Variants in MACROD2 observed in about 807,000 individuals in gnomAD.
The protein encoded by MACROD2 is ADP-ribose glycohydrolase MACROD2.
MACROD2 carries 36 observed loss-of-function variants against 70.4 expected under a neutral mutation model. That is an observed-to-expected ratio of 0.51 (90% CI 0.39 to 0.68). MACROD2 has a LOEUF of 0.68. Among genes scored for constraint, MACROD2 ranks in the 30% least tolerant of loss-of-function variants. The pLI is 0.00. For missense variants in MACROD2, 496 were observed against 538.4 expected (o/e 0.92, Z 0.78); for synonymous variants, 172 against 178.8 (o/e 0.96, Z 0.30).
At chr20:14,348,156 C>T (rs1159177989) in intron 3 of MACROD2, among the ~76,000 whole-genome samples, 2 of 151,592 alleles carry the variant, frequency 1.3e-5, no homozygotes, top group Non-Finnish European at 2.9e-5. Flanking sequence ...GTAGTCCCAG[C>T]TACTTGGGAG....
rs1219847787 is a variant in MACROD2, at chr20:15,154,423, C to T, written c.419-75517C>T. On this transcript the variant is annotated intron_variant, in intron 5 of 17. Coordinates refer to ENST00000684519, the MANE Select transcript of MACROD2 (RefSeq NM_001351661.2). The stretch of plus-strand genomic sequence containing the variant: ...ATGAAAGCTCTCTACCTACTTTGGG[C>T]AGATGAGTCACATGACATTAGCACT... Among the ~76,000 whole-genome samples, 3 of 152,210 alleles carry T rather than the reference C, an allele frequency of 2.0e-5. No individual in the cohort carries two copies. In the East Asian group the frequency reaches 5.8e-4, roughly 29 times the overall value.
At chr20:15,582,233 G>A (rs1398428085) in intron 8 of MACROD2, among the ~76,000 whole-genome samples, 1 of 152,146 alleles carries the variant, frequency 6.6e-6, no homozygotes, top group East Asian at 1.9e-4. Flanking sequence ...GCCTAACAGG[G>A]AGCCACTCAC....
At chr20:16,010,394 G>A (rs1204688171) in intron 15 of MACROD2, among the ~76,000 whole-genome samples, 1 of 152,154 alleles carries the variant, frequency 6.6e-6, no homozygotes, top group Admixed American at 6.5e-5. Context: ...AGTGATCACA[G>A]CCACAGAAAC....
chr20:14,276,333 T>C (rs1453730693), intron 3 of MACROD2, among the ~76,000 whole-genome samples: 2 of 150,058 alleles, frequency 1.3e-5, no homozygotes, highest in Admixed American at 6.7e-5. Context: ...TGTAGGGACA[T>C]GGATGAAATT....
At chr20:15,012,395 G>A (rs1272378647) in intron 5 of MACROD2, among the ~76,000 whole-genome samples, 1 of 152,150 alleles carries the variant, frequency 6.6e-6, no homozygotes, top group Non-Finnish European at 1.5e-5. Context: ...CCAAGCTACA[G>A]TAAACAGCTC....
intron 6 of MACROD2, among the ~76,000 whole-genome samples, chr20:15,346,134 G>T (rs919230511): frequency 4.6e-5 from 7 of 151,686 alleles, no homozygotes; most frequent in African/African-American, 1.7e-4. Flanking sequence ...ACAGGCCACA[G>T]TGCAGTGGCA....
intron 5 of MACROD2, among the ~76,000 whole-genome samples, chr20:14,734,479 T>C (rs1412010547): frequency 2.2e-5 from 3 of 138,302 alleles, no homozygotes; most frequent in Admixed American, 1.5e-4. Flanking sequence ...CCAGCCTGGG[T>C]AACAGAGTGA....
At chr20:15,673,962 G>A (rs909404170) in intron 8 of MACROD2, among the ~76,000 whole-genome samples, 5 of 152,204 alleles carry the variant, frequency 3.3e-5, no homozygotes, top group South Asian at 2.1e-4. Context: ...GTAGCCATAT[G>A]TGGCTTGTGG....
At chr20:14,483,665 C>T (rs1443294269) in intron 3 of MACROD2, among the ~76,000 whole-genome samples, 1 of 152,246 alleles carries the variant, frequency 6.6e-6, no homozygotes, top group Non-Finnish European at 1.5e-5. Context: ...CTTGGCCTCC[C>T]AAAGTGCTGA....
chr20:14,747,114 A>C (rs1192102834), intron 5 of MACROD2, among the ~76,000 whole-genome samples: 1 of 152,194 alleles, frequency 6.6e-6, no homozygotes, highest in Middle Eastern at 3.2e-3. Flanking sequence ...AGCAGTGCCT[A>C]TAAAGGTAGC....
At chr20:15,297,627 C>T (rs904340030) in intron 6 of MACROD2, among the ~76,000 whole-genome samples, 6 of 152,124 alleles carry the variant, frequency 3.9e-5, no homozygotes, top group Admixed American at 2.0e-4. Flanking sequence ...CCTTGGACCC[C>T]ATCTCTTCCA....
intron 3 of MACROD2, among the ~76,000 whole-genome samples, chr20:14,098,767 A>G (rs1271657169): frequency 2.0e-5 from 3 of 152,224 alleles, no homozygotes; most frequent in Non-Finnish European, 4.4e-5. Flanking sequence ...CACAATTAAC[A>G]GTAACTACTT....
rs1187917080 is a variant in MACROD2, at chr20:15,340,126, CTTTCTTTTTTTTT to C, written c.541-91275_541-91263del. Among the ~76,000 whole-genome samples the C allele has an allele frequency of 5.7e-4, 52 of 91,838 alleles. 1 individual carries two copies. Among genetic ancestry groups the C allele is most frequent in the Middle Eastern group, 6.6e-3 (1 of 152 alleles). 60.2% of individuals were successfully genotyped at this position (91,838 alleles called of 152,430 possible). A position where few individuals can be genotyped will look rare whatever the true frequency, so the allele number is the denominator to read the frequency against. On this transcript the variant is annotated intron_variant, in intron 6 of 17. Transcript: ENST00000684519. ...CTTTTTCTTTTTTCTTTCTTTCTTTCTTTCTTTTTTTTTTTTTTTTTTTTTTTTTTGAGATGGA... is the reference window on the plus strand; with the variant it reads ...CTTTTTCTTTTTTCTTTCTTTCTTTCTTTTTTTTTTTTTTTTTGAGATGGA...
At chr20:14,061,878 A>C (rs961877603) in intron 2 of MACROD2, among the ~76,000 whole-genome samples, 1 of 152,136 alleles carries the variant, frequency 6.6e-6, no homozygotes, top group African/African-American at 2.4e-5. Flanking sequence ...TAGTGAACTT[A>C]TATATAAAAT....
At chr20:15,621,213 A>G (rs888121804) in intron 8 of MACROD2, among the ~76,000 whole-genome samples, 1 of 152,168 alleles carries the variant, frequency 6.6e-6, no homozygotes, top group Non-Finnish European at 1.5e-5. Context: ...TCATTGAGTC[A>G]TGTGCATTTG....
At chr20:14,953,876 C>T (rs982681236) in intron 5 of MACROD2, among the ~76,000 whole-genome samples, 1 of 152,112 alleles carries the variant, frequency 6.6e-6, no homozygotes, top group Non-Finnish European at 1.5e-5. Flanking sequence ...AATTTACTGC[C>T]TACCATGTAT....
At chr20:15,506,955 G>GA (rs2047433230) in intron 8 of MACROD2, among the ~76,000 whole-genome samples, 1 of 152,132 alleles carries the variant, frequency 6.6e-6, no homozygotes, top group Non-Finnish European at 1.5e-5. Context: ...TTGTGCACTT[G>GA]AAAAAATAAA....
chr20:14,548,120 G>A (rs927073553), intron 4 of MACROD2, among the ~76,000 whole-genome samples: 1 of 152,186 alleles, frequency 6.6e-6, no homozygotes, highest in African/African-American at 2.4e-5. Flanking sequence ...GTAAAAAATT[G>A]GAGGAATTAT....
At chr20:14,788,923 G>C (rs994664354) in intron 5 of MACROD2, among the ~76,000 whole-genome samples, 2 of 151,378 alleles carry the variant, frequency 1.3e-5, no homozygotes, top group Non-Finnish European at 2.9e-5. Flanking sequence ...CACTCACCAC[G>C]ATGCCCGGCT....
Sources: gnomAD v4.1 joint callset for allele counts (sites outside exome capture counted in the v4.1 genomes callset) on GRCh38, gnomAD v4.1.1 for gene constraint, MANE v1.5 for transcripts, NCBI Gene and HGNC (gene_info 2026-07-23, HGNC 2026-07-21) for gene names.